TMEM236: variants seen among roughly 807,000 people sequenced by gnomAD.
TMEM236 encodes the protein transmembrane protein 236.
TMEM236 carries 11 observed loss-of-function variants against 14.7 expected under a neutral mutation model. That is an observed-to-expected ratio of 0.75 (90% CI 0.47 to 1.24). The LOEUF (loss-of-function observed/expected upper bound fraction) is 1.24. TMEM236 is among the 50% of genes most tolerant of loss of function. The pLI is 0.00. For synonymous variants in TMEM236, 182 were observed against 168.6 expected (o/e 1.08, Z -0.62); for missense variants, 464 against 427.3 (o/e 1.09, Z -0.76).
intron 1 of TMEM236, among the ~76,000 whole-genome samples, chr10:17,761,296 G>T (rs1837358498): frequency 6.6e-6 from 1 of 152,076 alleles, no homozygotes; most frequent in South Asian, 2.1e-4. Flanking sequence ...ACTAACGTTT[G>T]GGCTCTGGCA....
chr10:17,796,125 G>C lies in TMEM236; in HGVS notation c.677G>C (p.Arg226Thr). The change falls in exon 4 of 4, where the codon AGA becomes ACA. Residue 226 changes from arginine to threonine, a missense_variant. Coordinates refer to ENST00000377495, the MANE Select transcript of TMEM236 (RefSeq NM_001098844.3). ...CCCTCCTGTGACTCCGGAATCCTGA[G>C]AATGATGTCCCGGCGAGATGTCCGG... ...QEPSCDSGIL[R>T]MMSRRDVRAE... The C allele has an allele frequency of 6.2e-7, 1 of 1,613,942 alleles. No individual in the cohort carries two copies. The highest frequency in any genetic ancestry group is 8.5e-7 in the Non-Finnish European group (1 of 1,179,866).
intron 1 of TMEM236, among the ~76,000 whole-genome samples, chr10:17,761,099 C>A (rs949568332): frequency 1.3e-5 from 2 of 152,138 alleles, no homozygotes; most frequent in Non-Finnish European, 2.9e-5. Flanking sequence ...CTTCCTCTTC[C>A]TCTCTCTTGC....
In TMEM236 at chr10:17,752,563, G is replaced by T. The variant is rs1426428429; in HGVS notation, c.257+11G>T. ...AAAAATTAAAGGATGGTAAGTAAAA[G>T]AATTTTCTTTTTTTTCTTTTTGATT... On this transcript the variant is annotated intron_variant, in intron 1 of 3. Coordinates refer to ENST00000377495, the MANE Select transcript of TMEM236 (RefSeq NM_001098844.3). 15 of 1,612,566 alleles carry T rather than the reference G, an allele frequency of 9.3e-6. No homozygotes were observed. The highest frequency in any genetic ancestry group is 2.2e-5 in the South Asian group (2 of 91,006).
rs1035681422 is a variant in TMEM236 at position 17,784,042 on chromosome 10, T to A, written c.472+7872T>A. On this transcript the variant is annotated intron_variant, in intron 3 of 3. Coordinates refer to ENST00000377495, the MANE Select transcript of TMEM236 (RefSeq NM_001098844.3). Reference sequence around the variant, plus strand: ...TAGTGTATGTTTCAGGGTTCTCATTTGCCTTTTAATTTTACTATGGTGTTT... The same window carrying A: ...TAGTGTATGTTTCAGGGTTCTCATTAGCCTTTTAATTTTACTATGGTGTTT... 5.1e-3 allele frequency among the ~76,000 whole-genome samples: 771 copies of A among 152,346 alleles called. 4 individuals carry two copies. The highest frequency in any genetic ancestry group is 0.018 in the African/African-American group (736 of 41,572).
intron 1 of TMEM236, among the ~76,000 whole-genome samples, chr10:17,765,273 G>T (rs1040828445): frequency 6.6e-6 from 1 of 151,968 alleles, no homozygotes; most frequent in South Asian, 2.1e-4. Flanking sequence ...GTCTGTTTTG[G>T]GGTATATAAT....
chr10:17,781,021 G>A (rs1837738582), intron 3 of TMEM236, among the ~76,000 whole-genome samples: 1 of 152,188 alleles, frequency 6.6e-6, no homozygotes, highest in Admixed American at 6.5e-5. Flanking sequence ...CACTTGGCTG[G>A]TGCCATGTTG....
intron 1 of TMEM236, among the ~76,000 whole-genome samples, chr10:17,764,956 G>A (rs1589141675): frequency 6.7e-6 from 1 of 149,038 alleles, no homozygotes; most frequent in South Asian, 2.2e-4. Context: ...CGGGTAGCTG[G>A]GACTACAGGC....
At chr10:17,761,693 CAAAA>C (rs1297497582) in intron 1 of TMEM236, among the ~76,000 whole-genome samples, 2 of 114,110 alleles carry the variant, frequency 1.8e-5, no homozygotes, top group African/African-American at 6.6e-5. Context: ...GACTATGTCT[CAAAA>C]AAAAAAAAAA....
Position 17,771,264 on chromosome 10 carries a change from G to C in TMEM236, c.258-45G>C, listed in dbSNP as rs781869415. 36 of 1,569,662 alleles carry C rather than the reference G, an allele frequency of 2.3e-5. No individual in the cohort carries two copies. In the Admixed American group the frequency reaches 5.8e-4, roughly 25 times the overall value. On this transcript the variant is annotated intron_variant, in intron 1 of 3. Coordinates refer to ENST00000377495, the MANE Select transcript of TMEM236 (RefSeq NM_001098844.3). Reference sequence around the variant, plus strand: ...TTAGCAAAATGTAAGAGGAACTGTCGATCTTGTCCATGATTGCTTTGGCTT... The same window carrying C: ...TTAGCAAAATGTAAGAGGAACTGTCCATCTTGTCCATGATTGCTTTGGCTT...
At chr10:17,772,590 T>G (rs919220820) in intron 2 of TMEM236, among the ~76,000 whole-genome samples, 1 of 152,174 alleles carries the variant, frequency 6.6e-6, no homozygotes, top group Non-Finnish European at 1.5e-5. Context: ...TTCTTTCCTT[T>G]CCTTTTTTTC....
Position 17,796,005 on chromosome 10 carries a change from C to T in TMEM236, c.557C>T (p.Ala186Val). 2 of 1,613,960 alleles carry T rather than the reference C, an allele frequency of 1.2e-6. No homozygotes were observed. The highest frequency in any genetic ancestry group is 1.7e-6 in the Non-Finnish European group (2 of 1,179,868). The stretch of plus-strand genomic sequence containing the variant: ...CAAGTGAGGCAAAGTCCAGAAAACG[C>T]TGCATCTCCCCAGGCAACCAACAGC... ...TEQVRQSPEN[A>V]ASPQATNSTQ... The change falls in exon 4 of 4, where the codon GCT (alanine) becomes GTT (valine). Residue 186 changes from alanine to valine, a missense_variant. Transcript: ENST00000377495.
chr10:17,770,821 A>G (rs1554834747), intron 1 of TMEM236, among the ~76,000 whole-genome samples: 4 of 151,598 alleles, frequency 2.6e-5, no homozygotes, highest in African/African-American at 4.8e-5. Context: ...TTATGTGTGT[A>G]TGGTTTTTTT....
chr10:17,783,554 GTCAGTGCCTGCAGGCACC>G (rs1406689671), intron 3 of TMEM236, among the ~76,000 whole-genome samples: 9 of 152,168 alleles, frequency 5.9e-5, no homozygotes, highest in Non-Finnish European at 4.4e-5. Context: ...AGAAACTTGA[GTCAGTGCCTGCAGGCACC>G]TCAGCAGCAT....
chr10:17,783,487 A>G (rs1471862919), intron 3 of TMEM236, among the ~76,000 whole-genome samples: 1 of 152,166 alleles, frequency 6.6e-6, no homozygotes, highest in Non-Finnish European at 1.5e-5. Context: ...AAGGTTTTCA[A>G]ATAAATCTGC....
intron 3 of TMEM236, among the ~76,000 whole-genome samples, chr10:17,786,759 G>C (rs1837843614): frequency 6.6e-6 from 1 of 152,198 alleles, no homozygotes; most frequent in Non-Finnish European, 1.5e-5. Flanking sequence ...TGGTTTGGCT[G>C]TGTCGCCACC....
chr10:17,794,231 G>A (rs1414146547), intron 3 of TMEM236, among the ~76,000 whole-genome samples: 7 of 151,896 alleles, frequency 4.6e-5, no homozygotes, highest in South Asian at 4.2e-4. Flanking sequence ...AGTTCCACGC[G>A]CTTCAACAAA....
chr10:17,757,003 G>T (rs1456745712), intron 1 of TMEM236, among the ~76,000 whole-genome samples: 1 of 152,124 alleles, frequency 6.6e-6, no homozygotes, highest in African/African-American at 2.4e-5. Context: ...TTTAGTTTCT[G>T]TTTTGCCGGT....
intron 3 of TMEM236, among the ~76,000 whole-genome samples, chr10:17,785,743 C>T (rs887486109): frequency 6.6e-6 from 1 of 151,926 alleles, no homozygotes; most frequent in African/African-American, 2.4e-5. Context: ...CGGGGACCAA[C>T]CGGGGGGGGA....
chr10:17,754,535 C>G (rs1479635110), intron 1 of TMEM236, among the ~76,000 whole-genome samples: 2 of 152,272 alleles, frequency 1.3e-5, no homozygotes, highest in African/African-American at 2.4e-5. Context: ...CCACATTGCT[C>G]AGGCTGGTTC....
Sources: allele counts gnomAD v4.1 joint callset (sites outside exome capture counted in the v4.1 genomes callset), GRCh38; gene constraint gnomAD v4.1.1; transcripts MANE v1.5; gene names NCBI Gene and HGNC (gene_info 2026-07-23, HGNC 2026-07-21).